Variants in PHTF2 observed in about 807,000 individuals in gnomAD.
The protein encoded by PHTF2 is protein PHTF2.
A neutral mutation model predicts 101.2 loss-of-function variants in PHTF2; 60 were observed. That is an observed-to-expected ratio of 0.59 (90% CI 0.48 to 0.73). The LOEUF (loss-of-function observed/expected upper bound fraction) is 0.73, where lower values mean the gene tolerates loss of function less well. PHTF2 is among the 30% of genes least tolerant of loss of function. PHTF2 has a pLI of 0.00. For synonymous variants in PHTF2, 311 were observed against 307.3 expected (o/e 1.01, Z -0.13); for missense variants, 747 against 908.7 (o/e 0.82, Z 2.29).
At chr7:77,893,868 T>C in intron 4 of PHTF2, 114 bp from the exon 4 acceptor site, 1 of 814,678 alleles carries the variant, frequency 1.2e-6, no homozygotes, top group South Asian at 1.5e-5. Context: ...TCTGTTCTTT[T>C]AAAATTGAAT....
At chr7:77,941,864 A>G (rs1234293638) in intron 15 of PHTF2, among the ~76,000 whole-genome samples, 1 of 152,164 alleles carries the variant, frequency 6.6e-6, no homozygotes, top group Non-Finnish European at 1.5e-5. Context: ...CTATATTCTT[A>G]AAACTTTTTG....
chr7:77,866,227 C>T (rs1341504464), intron 3 of PHTF2, among the ~76,000 whole-genome samples: 2 of 150,158 alleles, frequency 1.3e-5, no homozygotes, highest in African/African-American at 4.9e-5. Context: ...ATAGTTTATT[C>T]TGTAGTAACA....
intron 3 of PHTF2, among the ~76,000 whole-genome samples, chr7:77,892,270 AC>A (rs1184304319): frequency 6.6e-6 from 1 of 152,204 alleles, no homozygotes; most frequent in Non-Finnish European, 1.5e-5. Context: ...AGCCTGGGCA[AC>A]AGAGCGAGAC....
At chr7:77,900,952 T>C (rs1361055976) in intron 6 of PHTF2, among the ~76,000 whole-genome samples, 172 bp downstream of exon 5, 2 of 152,208 alleles carry the variant, frequency 1.3e-5, no homozygotes, top group Non-Finnish European at 2.9e-5. Context: ...CTGCAGGCTG[T>C]ACAGAAATCA....
chr7:77,836,564 T>C (rs999513450), intron 1 of PHTF2, among the ~76,000 whole-genome samples: 6 of 152,152 alleles, frequency 3.9e-5, no homozygotes, highest in African/African-American at 1.4e-4. Flanking sequence ...TAGCAAGGAC[T>C]TGGAACCAAC....
At chr7:77,901,617 T>C (rs559283859) in intron 6 of PHTF2, 145 bp from the exon 6 acceptor site, 22 of 404,384 alleles carry the variant, frequency 5.4e-5, no homozygotes, top group African/African-American at 3.3e-4. Context: ...ATTTAAAGTA[T>C]CTATAAATTG....
At chr7:77,828,204 G>C (rs1382265398) in intron 1 of PHTF2, among the ~76,000 whole-genome samples, 1 of 152,158 alleles carries the variant, frequency 6.6e-6, no homozygotes, top group African/African-American at 2.4e-5. Context: ...AAATGAGGAA[G>C]TTAAACCATT....
At chr7:77,956,296 T>C (rs1806987561) in exon 20 of PHTF2, 1 of 152,558 alleles carries the variant, frequency 6.6e-6, no homozygotes, top group South Asian at 2.1e-4. Context: ...GTAAATAATT[T>C]ATTTGATTGG....
At chr7:77,953,123 T>G (rs868147814) in intron 18 of PHTF2, among the ~76,000 whole-genome samples, 42 of 152,164 alleles carry the variant, frequency 2.8e-4, no homozygotes, top group African/African-American at 1.0e-3. Context: ...TTTTAGAATA[T>G]TTACTCCCCA....
At chr7:77,908,818 C>T (rs552247090) in exon 8 of PHTF2, 3 of 1,606,408 alleles carry the variant, frequency 1.9e-6, no homozygotes, top group Admixed American at 3.4e-5. Flanking sequence ...TATTCTGCTC[C>T]ACTTCTAGCC....
chr7:77,835,211 T>G (rs1584439477), intron 1 of PHTF2, among the ~76,000 whole-genome samples: 1 of 146,038 alleles, frequency 6.8e-6, no homozygotes, highest in Admixed American at 6.8e-5. Context: ...GAGGCGGAGG[T>G]TGCAGTGAGC....
At chr7:77,799,340 G>T (rs1162959824) in intron 1 of PHTF2, among the ~76,000 whole-genome samples, 2 of 152,190 alleles carry the variant, frequency 1.3e-5, no homozygotes, top group Non-Finnish European at 2.9e-5. Context: ...CTGTGCTGAG[G>T]GGTCGTCGGG....
intron 1 of PHTF2, among the ~76,000 whole-genome samples, chr7:77,837,264 T>C (rs1156697099): frequency 6.6e-6 from 1 of 152,220 alleles, no homozygotes; most frequent in Admixed American, 6.5e-5. Flanking sequence ...ACATTAAACC[T>C]GAGCTATCAT....
intron 1 of PHTF2, among the ~76,000 whole-genome samples, chr7:77,839,304 G>C (rs1396694245): frequency 6.6e-6 from 1 of 152,186 alleles, no homozygotes; most frequent in East Asian, 1.9e-4. Flanking sequence ...GTCATCTTGT[G>C]ACTAAAATAG....
At chr7:77,816,461 T>C (rs775312031) in intron 1 of PHTF2, among the ~76,000 whole-genome samples, 8 of 152,214 alleles carry the variant, frequency 5.3e-5, no homozygotes, top group Non-Finnish European at 1.0e-4. Flanking sequence ...AATTACATTA[T>C]TTTAAAAAAC....
At chr7:77,846,076 C>G (rs1796259358) in intron 2 of PHTF2, among the ~76,000 whole-genome samples, 1 of 152,136 alleles carries the variant, frequency 6.6e-6, no homozygotes. Flanking sequence ...TCTTTTAGCT[C>G]CTTGAGAAGA....
intron 16 of PHTF2, among the ~76,000 whole-genome samples, chr7:77,946,323 A>G (rs1398915634): frequency 2.0e-5 from 3 of 152,234 alleles, no homozygotes; most frequent in Admixed American, 2.0e-4. Context: ...TGGAGCAAGC[A>G]TTATACATAA....
chr7:77,907,967 T>G (rs545775499), intron 7 of PHTF2: 1 of 152,220 alleles, frequency 6.6e-6, no homozygotes, highest in Non-Finnish European at 1.5e-5. Flanking sequence ...GTTGGCTCTT[T>G]CTAGGTGGTG....
chr7:77,869,007 A>G (rs1009373569), intron 3 of PHTF2, among the ~76,000 whole-genome samples: 1 of 152,210 alleles, frequency 6.6e-6, no homozygotes, highest in African/African-American at 2.4e-5. Context: ...AAAATCAAGC[A>G]GGAAAAAGCA....
Sources: allele counts gnomAD v4.1 joint callset (sites outside exome capture counted in the v4.1 genomes callset), GRCh38; gene constraint gnomAD v4.1.1; transcripts MANE v1.5; gene names NCBI Gene and HGNC (gene_info 2026-07-23, HGNC 2026-07-21).